AKAP13: variants seen among roughly 807,000 people sequenced by gnomAD.
AKAP13 encodes A-kinase anchor protein 13.
A neutral mutation model predicts 264.5 loss-of-function variants in AKAP13; 80 were observed. That is an observed-to-expected ratio of 0.30 (90% CI 0.25 to 0.36). AKAP13 has a LOEUF of 0.36. AKAP13 is among the 10% of genes least tolerant of loss of function. The pLI, the probability that AKAP13 is intolerant of heterozygous loss-of-function variation, is 1.00. For missense variants in AKAP13, 3,712 were observed against 3,435.2 expected (o/e 1.08, Z -2.01); for synonymous variants, 1,380 against 1,250.2 (o/e 1.10, Z -2.19).
At chr15:85,461,022 C>T (rs905638942) in intron 1 of AKAP13, among the ~76,000 whole-genome samples, 6 of 151,948 alleles carry the variant, frequency 3.9e-5, no homozygotes, top group Non-Finnish European at 8.8e-5. Context: ...AATATACTGT[C>T]ATTGCATCTT....
At position 85,581,831 on chromosome 15, in the gene AKAP13, A is replaced by G. The variant is rs1437185765; in HGVS notation, c.3763A>G (p.Ile1255Val). 2 of 1,614,202 alleles carry G rather than the reference A, an allele frequency of 1.2e-6. No individual in the cohort carries two copies. Among genetic ancestry groups the G allele is most frequent in the African/African-American group, 1.3e-5 (1 of 75,070 alleles). The change falls in exon 7 of 37, where the codon ATA (isoleucine) becomes GTA (valine). Residue 1255 changes from isoleucine (I) to valine (V), a missense_variant. By Grantham distance (29) the Ile-to-Val change is conservative. This residue lies in a region of AKAP13 where 2,759 missense variants were observed against 2,411.7 expected (regional missense o/e 1.14). Transcript: ENST00000394518. ...ADLIEEAASRIVDAVIEQVKA... is the reference protein window; with the variant it reads ...ADLIEEAASRVVDAVIEQVKA... Reference sequence around the variant, plus strand: ...CTTGATAGAGGAGGCTGCCAGCCGTATAGTGGATGCTGTCATCGAACAAGT... The same window carrying G: ...CTTGATAGAGGAGGCTGCCAGCCGTGTAGTGGATGCTGTCATCGAACAAGT...
intron 8 of AKAP13, among the ~76,000 whole-genome samples, chr15:85,616,236 C>G (rs542039148): frequency 2.0e-5 from 3 of 152,266 alleles, no homozygotes; most frequent in African/African-American, 7.2e-5. Context: ...CTGTGAGACT[C>G]CAGATGGGCT....
intron 8 of AKAP13, among the ~76,000 whole-genome samples, chr15:85,592,741 A>G (rs376920562): frequency 2.0e-5 from 3 of 152,332 alleles, no homozygotes; most frequent in South Asian, 4.1e-4. Context: ...GAGAGTTTCC[A>G]GGAAATTATC....
In AKAP13 at chr15:85,708,133, C is replaced by T. The variant is rs1016102631; in HGVS notation, c.5532+47C>T. ...AAGGCTTAAAATAAAAGGGTTTAAA[C>T]CAGCAAAATCCTCGGGAGTTGGGAG... On this transcript the variant is annotated intron_variant, in intron 18 of 36. Coordinates refer to ENST00000394518, the MANE Select transcript of AKAP13 (RefSeq NM_007200.5). This position sits in a 1 kb window ranked among gnomAD's most constrained non-coding sequence, Gnocchi z 4.3. 6.4e-7 allele frequency: 1 copy of T among 1,574,540 alleles called. No individual in the cohort carries two copies. Among genetic ancestry groups the T allele is most frequent in the South Asian group, 1.1e-5 (1 of 89,130 alleles).
At chr15:85,668,005 C>G (rs1295037234) in intron 13 of AKAP13, among the ~76,000 whole-genome samples, 1 of 152,118 alleles carries the variant, frequency 6.6e-6, no homozygotes, top group East Asian at 1.9e-4. Context: ...CTTAGCCTTC[C>G]TGGAATCTCT....
intron 1 of AKAP13, among the ~76,000 whole-genome samples, chr15:85,476,913 G>C (rs2075182115): frequency 6.6e-6 from 1 of 152,120 alleles, no homozygotes; most frequent in Non-Finnish European, 1.5e-5. Context: ...CTGGCCATGT[G>C]TGTCTGTGGA....
Position 85,555,514 on chromosome 15 carries a change from A to G in AKAP13, c.662+11559A>G, listed in dbSNP as rs935193455. The G allele has an allele frequency of 8.2e-6, 10 of 1,225,072 alleles. No individual in the cohort carries two copies. The African/African-American group carries it at 9.3e-5, about 11-fold the overall frequency. 75.9% of individuals were successfully genotyped at this position (1,225,072 alleles called of 1,614,324 possible). A position where few individuals can be genotyped will look rare whatever the true frequency, so the allele number is the denominator to read the frequency against. On this transcript the variant is annotated intron_variant, in intron 5 of 36. Transcript: ENST00000394518. ...TGTGTGAGTATCAGCTTCCAGACCA[A>G]TGCTTTGTTAATCTTCATTGTTTAT...
chr15:85,664,473 C>A, intron 12 of AKAP13, 90 bp from the exon 13 acceptor site: 1 of 1,304,826 alleles, frequency 7.7e-7, no homozygotes, highest in Non-Finnish European at 1.1e-6. Flanking sequence ...AATACACAAA[C>A]AAGGGAGATA....
At chr15:85,454,195 C>T (rs553939122) in intron 1 of AKAP13, among the ~76,000 whole-genome samples, 19 of 152,274 alleles carry the variant, frequency 1.2e-4, no homozygotes, top group African/African-American at 3.9e-4. Context: ...ACCTCCCACC[C>T]TGCTGGAGGT....
intron 5 of AKAP13, among the ~76,000 whole-genome samples, chr15:85,562,271 A>C (rs1463890998): frequency 6.6e-6 from 1 of 152,104 alleles, no homozygotes; most frequent in Non-Finnish European, 1.5e-5. Context: ...GCATATTAAG[A>C]ATATATATCT....
intron 5 of AKAP13, among the ~76,000 whole-genome samples, chr15:85,556,668 C>G (rs2078159839): frequency 6.6e-6 from 1 of 152,206 alleles, no homozygotes; most frequent in Admixed American, 6.5e-5. Flanking sequence ...TCCCATAGCT[C>G]TGTCTGCACA....
chr15:85,409,716 C>T (rs1006337158), intron 1 of AKAP13, among the ~76,000 whole-genome samples: 16 of 149,958 alleles, frequency 1.1e-4, no homozygotes, highest in Admixed American at 2.0e-4. Context: ...CTGCAAGCTC[C>T]GCCTCCTGGG....
intron 2 of AKAP13, among the ~76,000 whole-genome samples, chr15:85,517,310 C>T (rs2076639838): frequency 6.6e-6 from 1 of 152,056 alleles, no homozygotes; most frequent in African/African-American, 2.4e-5. Context: ...TGTAATTTGA[C>T]TCTTCCCATC....
Position 85,736,090 on chromosome 15 carries a change from G to A in AKAP13, c.7513G>A (p.Gly2505Ser), listed in dbSNP as rs1402673871. 1 of 1,603,298 alleles carries A rather than the reference G, an allele frequency of 6.2e-7. No homozygotes were observed. The highest frequency in any genetic ancestry group is 8.5e-7 in the Non-Finnish European group (1 of 1,170,732). ...RTESDSGLKKGGNANLVFMLK... is the reference protein window; with the variant it reads ...RTESDSGLKKSGNANLVFMLK... ...TATATGTATGTTTTTTGTTTTATAG[G>A]GTGGAAATGCTAACCTGGTATTTAT... is the stretch of plus-strand genomic sequence containing the variant. Residue 2505 changes from glycine (G) to serine (S), a missense_variant and splice_region_variant, in exon 33 of 37, where the codon GGT becomes AGT. Gly to Ser is a moderately conservative substitution (Grantham distance 56). Around this residue, in one of 3 missense-constraint regions of AKAP13, gnomAD observed 611 missense variants for 539.3 expected, o/e 1.13. Coordinates refer to ENST00000394518, the MANE Select transcript of AKAP13 (RefSeq NM_007200.5).
In AKAP13 at chr15:85,708,991, T is replaced by C. The variant is rs926842663; in HGVS notation, c.5532+905T>C. Reference sequence around the variant, plus strand: ...GATGATGCTGATAGTCCGAGGACCTTACTTTGAGAAGCACTAAAACTAGTG... The same window carrying C: ...GATGATGCTGATAGTCCGAGGACCTCACTTTGAGAAGCACTAAAACTAGTG... On this transcript the variant is annotated intron_variant, in intron 18 of 36. Coordinates refer to ENST00000394518, the MANE Select transcript of AKAP13 (RefSeq NM_007200.5). The surrounding 1 kb of genome is among the most constrained non-coding windows in gnomAD (Gnocchi z 4.3). Among the ~76,000 whole-genome samples the C allele has an allele frequency of 6.6e-6, 1 of 152,220 alleles. No homozygotes were observed. The highest frequency in any genetic ancestry group is 6.5e-5 in the Admixed American group (1 of 15,288).
chr15:85,491,872 C>T (rs1473721251), intron 2 of AKAP13, among the ~76,000 whole-genome samples: 2 of 152,160 alleles, frequency 1.3e-5, no homozygotes, highest in Non-Finnish European at 2.9e-5. Flanking sequence ...CATTTGCATG[C>T]CTTACGTTAA....
At chr15:85,633,482 A>C (rs2081939574) in intron 8 of AKAP13, among the ~76,000 whole-genome samples, 1 of 151,838 alleles carries the variant, frequency 6.6e-6, no homozygotes. Flanking sequence ...GGCTCATTGC[A>C]AATGAAATGC....
intron 14 of AKAP13, among the ~76,000 whole-genome samples, chr15:85,677,298 G>A (rs1184326129): frequency 2.6e-5 from 4 of 152,080 alleles, no homozygotes; most frequent in African/African-American, 7.2e-5. Context: ...TAGTACTAAC[G>A]CTGAGCTACT....
Position 85,719,043 on chromosome 15 carries a change from G to A in AKAP13, c.6002-33G>A, listed in dbSNP as rs368469140. 7 of 1,609,930 alleles carry A rather than the reference G, an allele frequency of 4.3e-6. No homozygotes were observed. In the African/African-American group the frequency reaches 8.0e-5, roughly 18 times the overall value. On this transcript the variant is annotated intron_variant, in intron 22 of 36. Coordinates refer to ENST00000394518, the MANE Select transcript of AKAP13 (RefSeq NM_007200.5). ...TGAGGGCGAATGCTTATAAAAGAGT[G>A]TTCCTGACACTTGATCTTTTTCCTC...
Sources: allele counts gnomAD v4.1 joint callset (sites outside exome capture counted in the v4.1 genomes callset), GRCh38; gene constraint gnomAD v4.1.1; regional missense constraint gnomAD v4.1.1; non-coding constraint Gnocchi (gnomAD v3.1); transcripts MANE v1.5; gene names NCBI Gene and HGNC (gene_info 2026-07-23, HGNC 2026-07-21).